TENM3: variants seen among roughly 807,000 people sequenced by gnomAD.
TENM3 encodes the protein teneurin transmembrane protein 3, also known as teneurin-3.
Under a neutral mutation model 255.1 loss-of-function variants are expected in TENM3, and 63 were observed. The observed-to-expected ratio is 0.25, with a 90% confidence interval of 0.20 to 0.30. TENM3 has a LOEUF of 0.30. Ranked by LOEUF, TENM3 falls within the 10% of genes least tolerant of loss-of-function variation. The probability of loss-of-function intolerance (pLI) is 1.00; values close to 1 mark genes in which losing one functional copy is unlikely to be tolerated. For synonymous variants in TENM3, 1,306 were observed against 1,322.3 expected (o/e 0.99, Z 0.27); for missense variants, 2,929 against 3,461.1 (o/e 0.85, Z 3.86).
the TENM3 span, among the ~76,000 whole-genome samples, chr4:181,997,637 G>A: frequency 6.6e-5 from 10 of 152,250 alleles, no homozygotes; most frequent in African/African-American, 1.2e-4. Context: ...AGAATGTGTC[G>A]CTGAGATAAT....
At chr4:182,256,508 C>A (rs1455889547) in intron 1 of TENM3, among the ~76,000 whole-genome samples, 1 of 152,164 alleles carries the variant, frequency 6.6e-6, no homozygotes, top group African/African-American at 2.4e-5. Context: ...ACTGAAAATG[C>A]ATTCATCTGC....
At chr4:181,501,902 A>T in the TENM3 span, among the ~76,000 whole-genome samples, 5 of 152,056 alleles carry the variant, frequency 3.3e-5, no homozygotes, top group Admixed American at 2.6e-4. Flanking sequence ...GAGCCGGGAC[A>T]TAAGTCAGGA....
the TENM3 span, among the ~76,000 whole-genome samples, chr4:181,636,991 T>C: frequency 6.6e-6 from 1 of 152,154 alleles, no homozygotes; most frequent in Non-Finnish European, 1.5e-5. Flanking sequence ...CCCGAGAAAC[T>C]TCCACTTACA....
intron 2 of TENM3, among the ~76,000 whole-genome samples, chr4:182,342,151 A>G (rs1294231109): frequency 6.6e-6 from 1 of 152,198 alleles, no homozygotes; most frequent in Non-Finnish European, 1.5e-5. Flanking sequence ...GCTCAAGAGA[A>G]ATGAAGACAT....
At chr4:182,510,422 GC>G (rs1158085958) in intron 3 of TENM3, among the ~76,000 whole-genome samples, 4 of 152,236 alleles carry the variant, frequency 2.6e-5, no homozygotes, top group Non-Finnish European at 5.9e-5. Flanking sequence ...TGTCCCACTT[GC>G]CTAAAAGACT....
At chr4:181,944,717 GTAACCTT>G in the TENM3 span, among the ~76,000 whole-genome samples, 1 of 152,022 alleles carries the variant, frequency 6.6e-6, no homozygotes, top group Admixed American at 6.6e-5. Context: ...GTGCCTCTCT[GTAACCTT>G]TGTGTGAACA....
At chr4:181,632,989 G>A in the TENM3 span, among the ~76,000 whole-genome samples, 8 of 152,174 alleles carry the variant, frequency 5.3e-5, no homozygotes, top group East Asian at 1.5e-3. Context: ...AGCAACTTTA[G>A]GTGAGGATTT....
At position 182,742,416 on chromosome 4, in the gene TENM3, G is replaced by A. The variant is rs189565477; in HGVS notation, c.3380-754G>A. ...CTTCTACAACAGTTTTGTTATGTTC[G>A]ACATTTTGAATAACCGCATGTATAT... On this transcript the variant is annotated intron_variant, in intron 18 of 27. Coordinates refer to ENST00000511685, the MANE Select transcript of TENM3 (RefSeq NM_001080477.4). 3.3e-3 allele frequency among the ~76,000 whole-genome samples: 496 copies of A among 152,264 alleles called. 2 individuals carry two copies. Among genetic ancestry groups the A allele is most frequent in the Non-Finnish European group, 5.9e-3 (401 of 68,018 alleles).
chr4:182,473,297 T>C (rs963272658), intron 3 of TENM3, among the ~76,000 whole-genome samples: 1 of 152,190 alleles, frequency 6.6e-6, no homozygotes, highest in Non-Finnish European at 1.5e-5. Flanking sequence ...AAACAAATGC[T>C]CTTCTTTGAG....
chr4:181,649,884 C>T, the TENM3 span, among the ~76,000 whole-genome samples: 1 of 152,102 alleles, frequency 6.6e-6, no homozygotes, highest in Admixed American at 6.6e-5. Context: ...CAACTTGGAT[C>T]AGGAGTGGAT....
chr4:181,455,429 T>C, the TENM3 span, among the ~76,000 whole-genome samples: 1 of 152,116 alleles, frequency 6.6e-6, no homozygotes, highest in African/African-American at 2.4e-5. Flanking sequence ...AGAAAAGATG[T>C]TTGAGTAACA....
chr4:182,025,254 T>G, the TENM3 span, among the ~76,000 whole-genome samples: 1 of 152,102 alleles, frequency 6.6e-6, no homozygotes, highest in East Asian at 1.9e-4. Flanking sequence ...GGTCTCGATC[T>G]CCTGACCTCG....
the TENM3 span, among the ~76,000 whole-genome samples, chr4:181,939,711 G>A: frequency 6.6e-6 from 1 of 152,216 alleles, no homozygotes; most frequent in African/African-American, 2.4e-5. Flanking sequence ...TTGGGGTGCG[G>A]GGCGCTCAGC....
At chr4:181,888,526 A>G in the TENM3 span, among the ~76,000 whole-genome samples, 79 of 87,692 alleles carry the variant, frequency 9.0e-4, 3 homozygotes, top group African/African-American at 4.4e-3. Flanking sequence ...GTATATATAT[A>G]CATATATGTG....
chr4:182,165,889 C>T (rs927797820), intron 1 of TENM3, among the ~76,000 whole-genome samples: 2 of 152,174 alleles, frequency 1.3e-5, no homozygotes, highest in African/African-American at 4.8e-5. Flanking sequence ...GATTCTCCTG[C>T]CTCAGCTTCT....
At chr4:182,435,579 C>A (rs1375319170) in intron 3 of TENM3, among the ~76,000 whole-genome samples, 1 of 152,154 alleles carries the variant, frequency 6.6e-6, no homozygotes, top group Non-Finnish European at 1.5e-5. Flanking sequence ...GGGCTGGCAT[C>A]GGTGAACAGG....
the TENM3 span, among the ~76,000 whole-genome samples, chr4:181,560,339 G>T: frequency 6.6e-6 from 1 of 152,196 alleles, no homozygotes; most frequent in African/African-American, 2.4e-5. Context: ...ACGTTGTGAG[G>T]TCAGGTTTCA....
chr4:182,513,532 T>G (rs890258585), intron 3 of TENM3, among the ~76,000 whole-genome samples: 3 of 152,010 alleles, frequency 2.0e-5, no homozygotes, highest in Admixed American at 2.0e-4. Context: ...TTTCATTTTG[T>G]AAGGTTTTTA....
intron 3 of TENM3, among the ~76,000 whole-genome samples, chr4:182,427,899 A>C (rs946556817): frequency 2.6e-5 from 4 of 151,954 alleles, no homozygotes; most frequent in African/African-American, 9.7e-5. Context: ...TGTGTACATG[A>C]GAAGTGACTT....
Sources: gnomAD v4.1 joint callset for allele counts (sites outside exome capture counted in the v4.1 genomes callset) on GRCh38, gnomAD v4.1.1 for gene constraint, MANE v1.5 for transcripts, NCBI Gene and HGNC (gene_info 2026-07-23, HGNC 2026-07-21) for gene names.